COL9A1: variants seen among roughly 807,000 people sequenced by gnomAD.
COL9A1 encodes the protein collagen type IX alpha 1 chain.
In COL9A1, 104 loss-of-function variants were observed where a neutral mutation model predicts 142.6. The ratio of observed to expected loss-of-function variants is 0.73; its 90% confidence interval spans 0.62 to 0.86. COL9A1 has a LOEUF of 0.86. COL9A1 is among the 40% of genes least tolerant of loss of function. The probability of loss-of-function intolerance (pLI) is 0.00; values close to 1 mark genes in which losing one functional copy is unlikely to be tolerated. For synonymous variants in COL9A1, 466 were observed against 396.0 expected (o/e 1.18, Z -2.10); for missense variants, 1,210 against 1,176.6 (o/e 1.03, Z -0.42).
chr6:70,234,976 A>G (rs1769814779), intron 33 of COL9A1, 36 bp from the exon 34 acceptor site: 2 of 1,613,856 alleles, frequency 1.2e-6, no homozygotes, highest in Non-Finnish European at 1.7e-6. Context: ...ACCAGGGCTA[A>G]GCATAAAGAA....
chr6:70,266,672 T>C, intron 18 of COL9A1, 45 bp downstream of exon 18: 1 of 1,423,282 alleles, frequency 7.0e-7, no homozygotes, highest in Middle Eastern at 1.7e-4. Context: ...AAGTGACCAA[T>C]AACTCCTAAT....
At chr6:70,274,958 T>C in intron 10 of COL9A1, 186 bp from the exon 11 acceptor site, 1 of 593,632 alleles carries the variant, frequency 1.7e-6, no homozygotes, top group East Asian at 2.8e-5. Flanking sequence ...GATCTGCCTG[T>C]TGTGATTATT....
intron 31 of COL9A1, 136 bp from the exon 32 acceptor site, chr6:70,240,869 G>A (rs1005505876): frequency 1.3e-5 from 10 of 773,762 alleles, no homozygotes; most frequent in Non-Finnish European, 1.9e-5. Flanking sequence ...TGCTCTCAGC[G>A]GCTTTCCAAT....
At chr6:70,228,093 G>A (rs1393493182) in intron 36 of COL9A1, among the ~76,000 whole-genome samples, 1 of 152,026 alleles carries the variant, frequency 6.6e-6, no homozygotes, top group Non-Finnish European at 1.5e-5. Context: ...TTTTGGAACT[G>A]TATAAATTTA....
chr6:70,251,461 T>A (rs1770938002), intron 28 of COL9A1, among the ~76,000 whole-genome samples: 1 of 152,178 alleles, frequency 6.6e-6, no homozygotes, highest in Admixed American at 6.5e-5. Flanking sequence ...GCAGGAGGAC[T>A]GCATGAGCCC....
intron 10 of COL9A1, among the ~76,000 whole-genome samples, chr6:70,277,015 TTTC>T (rs545779604): frequency 5.2e-4 from 79 of 152,348 alleles, no homozygotes; most frequent in Middle Eastern, 3.4e-3. Context: ...TTTAGAATAA[TTTC>T]TTAATAACTC....
intron 32 of COL9A1, among the ~76,000 whole-genome samples, chr6:70,240,010 A>G (rs1364966366): frequency 6.6e-6 from 1 of 152,152 alleles, no homozygotes; most frequent in Admixed American, 6.5e-5. Context: ...TTCCTGCCCT[A>G]CAAGCTCTCT....
chr6:70,233,327 A>G (rs1769676017), intron 35 of COL9A1, among the ~76,000 whole-genome samples: 1 of 152,212 alleles, frequency 6.6e-6, no homozygotes, highest in South Asian at 2.1e-4. Context: ...CCTTCTCAGA[A>G]GTTTTTTCCA....
chr6:70,246,653 AC>A (rs1770629100), intron 28 of COL9A1, among the ~76,000 whole-genome samples: 1 of 152,140 alleles, frequency 6.6e-6, no homozygotes, highest in African/African-American at 2.4e-5. Context: ...GCTTTCTCAG[AC>A]TTTTGTTAAA....
chr6:70,268,078 G>A lies in COL9A1; in HGVS notation c.1287+726C>T, dbSNP rs534962782. Among the ~76,000 whole-genome samples the A allele has an allele frequency of 2.0e-5, 3 of 152,234 alleles. No homozygotes were observed. In the South Asian group the frequency reaches 6.2e-4, roughly 32 times the overall value. On this transcript the variant is annotated intron_variant, in intron 17 of 37. Coordinates refer to ENST00000357250, the MANE Select transcript of COL9A1 (RefSeq NM_001851.6). ...TCAAGTAATTACGGTGGCAGACAGA[G>A]AAAAATACTTTGGGAAAGTCTCTTT... is the stretch of plus-strand genomic sequence containing the variant.
intron 2 of COL9A1, among the ~76,000 whole-genome samples, chr6:70,301,459 C>T (rs543149742): frequency 2.0e-5 from 3 of 152,286 alleles, no homozygotes; most frequent in Admixed American, 1.3e-4. Flanking sequence ...TGCCTGTAGT[C>T]CCAGCTACTT....
At chr6:70,295,280 T>G (rs1773809031) in intron 4 of COL9A1, among the ~76,000 whole-genome samples, 2 of 131,044 alleles carry the variant, frequency 1.5e-5, no homozygotes, top group Admixed American at 1.7e-4. Context: ...TGTTGTTGCT[T>G]CTTTTTTTTT....
chr6:70,247,456 A>G (rs1047012624), intron 28 of COL9A1, among the ~76,000 whole-genome samples: 1 of 152,206 alleles, frequency 6.6e-6, no homozygotes, highest in Non-Finnish European at 1.5e-5. Flanking sequence ...TCTTTGTCCA[A>G]CTACCCAAAA....
At chr6:70,270,036 ATATC>A (rs1562316261) in intron 15 of COL9A1, among the ~76,000 whole-genome samples, 2 of 152,360 alleles carry the variant, frequency 1.3e-5, no homozygotes, top group South Asian at 4.1e-4. Context: ...CTTCATTTAT[ATATC>A]TAAGTTTTGA....
chr6:70,219,496 A>C (rs1246246396), intron 37 of COL9A1, among the ~76,000 whole-genome samples: 1 of 152,240 alleles, frequency 6.6e-6, no homozygotes, highest in South Asian at 2.1e-4. Flanking sequence ...CTTCACAAAT[A>C]AAGTTTGCTG....
chr6:70,257,531 A>G (rs1237362470), intron 20 of COL9A1, among the ~76,000 whole-genome samples: 1 of 152,166 alleles, frequency 6.6e-6, no homozygotes, highest in Non-Finnish European at 1.5e-5. Context: ...GGGGGATCAC[A>G]TGAGACCAGG....
intron 2 of COL9A1, among the ~76,000 whole-genome samples, chr6:70,301,253 C>G (rs1457866775): frequency 6.6e-6 from 1 of 152,078 alleles, no homozygotes; most frequent in Non-Finnish European, 1.5e-5. Flanking sequence ...AACAGAGACT[C>G]TCTAGACTTC....
intron 18 of COL9A1, 118 bp from the exon 19 acceptor site, chr6:70,263,415 TCTA>T: frequency 1.3e-6 from 1 of 751,392 alleles, no homozygotes; most frequent in East Asian, 2.8e-5. Flanking sequence ...CCTGAATTAT[TCTA>T]CTTTCTTAAA....
At chr6:70,268,661 A>G in intron 17 of COL9A1, 143 bp downstream of exon 17, 1 of 728,164 alleles carries the variant, frequency 1.4e-6, no homozygotes, top group South Asian at 1.5e-5. Flanking sequence ...TGTCAAGGGC[A>G]ACTGGAATTG....
Sources: allele counts gnomAD v4.1 joint callset (sites outside exome capture counted in the v4.1 genomes callset), GRCh38; gene constraint gnomAD v4.1.1; transcripts MANE v1.5; gene names NCBI Gene and HGNC (gene_info 2026-07-23, HGNC 2026-07-21).